The following NRXN3 variants were observed in gnomAD, a reference collection of about 807,000 sequenced individuals.
NRXN3 encodes the protein neurexin III.
NRXN3 carries 32 observed loss-of-function variants against 137.6 expected under a neutral mutation model. That is an observed-to-expected ratio of 0.23 (90% CI 0.18 to 0.31). The LOEUF (loss-of-function observed/expected upper bound fraction) is 0.31. Among genes scored for constraint, NRXN3 ranks in the 10% least tolerant of loss-of-function variants. NRXN3 has a pLI of 1.00. For synonymous variants in NRXN3, 798 were observed against 784.5 expected (o/e 1.02, Z -0.29); for missense variants, 1,574 against 2,062.5 (o/e 0.76, Z 4.59).
intron 4 of NRXN3, among the ~76,000 whole-genome samples, chr14:78,602,253 C>G (rs1202823788): frequency 7.2e-6 from 1 of 138,244 alleles, no homozygotes; most frequent in Admixed American, 7.1e-5. Context: ...GTTTGGTTTG[C>G]ATTTCACATT....
intron 10 of NRXN3, among the ~76,000 whole-genome samples, chr14:78,888,472 A>T (rs2099149850): frequency 6.6e-6 from 1 of 152,032 alleles, no homozygotes; most frequent in Non-Finnish European, 1.5e-5. Flanking sequence ...AATGTAAGAC[A>T]ATTTGTTACC....
At chr14:78,762,267 C>T (rs1192184275) in intron 8 of NRXN3, among the ~76,000 whole-genome samples, 2 of 152,122 alleles carry the variant, frequency 1.3e-5, no homozygotes, top group African/African-American at 2.4e-5. Context: ...GACCCTGCCA[C>T]CTAATGCAAA....
chr14:79,535,722 A>C lies in NRXN3; in HGVS notation c.3444+68320A>C, dbSNP rs147076085. Reference sequence around the variant, plus strand: ...GTATCACTTGAGGAAACTGAAGCTCACGGAGGTAAAATTGAACAGCTACTA... The same window carrying C: ...GTATCACTTGAGGAAACTGAAGCTCCCGGAGGTAAAATTGAACAGCTACTA... On this transcript the variant is annotated intron_variant, in intron 16 of 20. Transcript: ENST00000335750. 2.2e-3 allele frequency among the ~76,000 whole-genome samples: 331 copies of C among 152,296 alleles called. 3 individuals carry two copies. Among genetic ancestry groups the C allele is most frequent in the African/African-American group, 7.8e-3 (324 of 41,582 alleles).
intron 16 of NRXN3, among the ~76,000 whole-genome samples, chr14:79,539,584 C>T (rs1029359764): frequency 4.3e-4 from 65 of 152,170 alleles, no homozygotes; most frequent in African/African-American, 1.4e-3. Flanking sequence ...TTGAGCCTTG[C>T]TATTTGAGTT....
chr14:78,460,482 C>A (rs4899712), intron 4 of NRXN3, among the ~76,000 whole-genome samples: 152,321 of 152,324 alleles, frequency 1, 76,159 homozygotes, highest in Non-Finnish European at 1. Context: ...GACACTATGG[C>A]GATTCCAAGG....
At chr14:79,667,319 T>TAAAG (rs890414146) in intron 17 of NRXN3, among the ~76,000 whole-genome samples, 8 of 152,088 alleles carry the variant, frequency 5.3e-5, no homozygotes, top group East Asian at 1.9e-4. Context: ...GTTTAAACAG[T>TAAAG]AAAGACATAC....
At chr14:78,988,210 C>T (rs1411430133) in intron 15 of NRXN3, 69 bp downstream of exon 15, 2 of 1,577,908 alleles carry the variant, frequency 1.3e-6, no homozygotes, top group African/African-American at 2.7e-5. Context: ...TCTTAAAGGA[C>T]AATATGTAAA....
At chr14:78,865,191 A>G (rs1438896247) in intron 10 of NRXN3, among the ~76,000 whole-genome samples, 1 of 152,200 alleles carries the variant, frequency 6.6e-6, no homozygotes, top group East Asian at 1.9e-4. Context: ...TTATCTACTC[A>G]TGAACAACCA....
intron 14 of NRXN3, among the ~76,000 whole-genome samples, chr14:78,969,219 AGATGATCCACT>A (rs2099429528): frequency 6.6e-6 from 1 of 152,218 alleles, no homozygotes; most frequent in Admixed American, 6.5e-5. Context: ...CTGTTCCTGT[AGATGATCCACT>A]GTCTCTTGAG....
At chr14:78,766,035 C>T (rs999039612) in intron 8 of NRXN3, among the ~76,000 whole-genome samples, 1 of 152,180 alleles carries the variant, frequency 6.6e-6, no homozygotes, top group South Asian at 2.1e-4. Flanking sequence ...GCACCTAGCC[C>T]ATCAAGCAGT....
At chr14:79,070,811 A>G (rs1445911398) in intron 15 of NRXN3, among the ~76,000 whole-genome samples, 9 of 152,192 alleles carry the variant, frequency 5.9e-5, no homozygotes, top group African/African-American at 1.7e-4. Flanking sequence ...AAAATTTAGA[A>G]TCTGTCCTGG....
intron 19 of NRXN3, among the ~76,000 whole-genome samples, chr14:79,747,518 G>A (rs2098983348): frequency 6.6e-6 from 1 of 152,000 alleles, no homozygotes; most frequent in Non-Finnish European, 1.5e-5. Flanking sequence ...ATATCCTATT[G>A]TGGAATTCTA....
chr14:79,340,230 A>G (rs917362772), intron 15 of NRXN3, among the ~76,000 whole-genome samples: 2 of 151,718 alleles, frequency 1.3e-5, no homozygotes, highest in Non-Finnish European at 2.9e-5. Flanking sequence ...ACAGATAGAC[A>G]TTTCGTTGGA....
At chr14:79,283,829 G>A (rs113350906) in intron 15 of NRXN3, among the ~76,000 whole-genome samples, 2,017 of 152,010 alleles carry the variant, frequency 0.013, 22 homozygotes, top group Middle Eastern at 0.041. Flanking sequence ...ATACAGAACC[G>A]AATAAGACAT....
intron 1 of NRXN3, among the ~76,000 whole-genome samples, chr14:78,210,140 G>C (rs1292494284): frequency 6.6e-6 from 1 of 152,184 alleles, no homozygotes; most frequent in Non-Finnish European, 1.5e-5. Context: ...GCTTTGACTG[G>C]GTAATTTAGA....
chr14:78,741,224 C>A (rs1420986227), intron 8 of NRXN3, among the ~76,000 whole-genome samples: 4 of 152,190 alleles, frequency 2.6e-5, no homozygotes, highest in Admixed American at 1.3e-4. Context: ...CATTTTATAT[C>A]CATGCTGAAG....
At chr14:78,255,923 C>T (rs2069503726) in intron 2 of NRXN3, among the ~76,000 whole-genome samples, 1 of 152,190 alleles carries the variant, frequency 6.6e-6, no homozygotes, top group Admixed American at 6.5e-5. Flanking sequence ...TCAATGAAGT[C>T]AGGTCCAATC....
At chr14:79,068,733 G>A (rs913430267) in intron 15 of NRXN3, among the ~76,000 whole-genome samples, 2 of 152,022 alleles carry the variant, frequency 1.3e-5, no homozygotes, top group Non-Finnish European at 2.9e-5. Context: ...AGGAAAGAAT[G>A]GCACAACTCA....
At chr14:79,144,951 A>T (rs1477525805) in intron 15 of NRXN3, among the ~76,000 whole-genome samples, 1 of 151,990 alleles carries the variant, frequency 6.6e-6, no homozygotes, top group Non-Finnish European at 1.5e-5. Flanking sequence ...GTTATTAGAA[A>T]TTTTTGTCAT....
Sources: gnomAD v4.1 joint callset for allele counts (sites outside exome capture counted in the v4.1 genomes callset) on GRCh38, gnomAD v4.1.1 for gene constraint, MANE v1.5 for transcripts, NCBI Gene and HGNC (gene_info 2026-07-23, HGNC 2026-07-21) for gene names.